PTPRE: variants seen among roughly 807,000 people sequenced by gnomAD.
The protein encoded by PTPRE is receptor-type tyrosine-protein phosphatase epsilon.
A neutral mutation model predicts 102.0 loss-of-function variants in PTPRE; 51 were observed. The ratio of observed to expected loss-of-function variants is 0.50; its 90% CI spans 0.40 to 0.63. PTPRE has a LOEUF of 0.63. PTPRE is among the 30% of genes least tolerant of loss of function. PTPRE has a pLI of 0.00. For missense variants in PTPRE, 752 were observed against 915.1 expected (o/e 0.82, Z 2.30); for synonymous variants, 345 against 348.2 (o/e 0.99, Z 0.10).
At chr10:128,044,758 G>A (rs573255086) in intron 3 of PTPRE, among the ~76,000 whole-genome samples, 1 of 152,264 alleles carries the variant, frequency 6.6e-6, no homozygotes, top group Admixed American at 6.5e-5. Context: ...ACTGTGACAG[G>A]AATTTCTTCT....
rs1407599116 is a variant in PTPRE, at chr10:128,020,420, TA to T, written c.-7-20454del. ...AATCAGTTTTTCACTGAATGGCTGT[TA>T]TTTGGTTTCCAATAACAGAAACCTG... is the stretch of plus-strand genomic sequence containing the variant. On this transcript the variant is annotated intron_variant, in intron 2 of 20. Coordinates refer to ENST00000254667, the MANE Select transcript of PTPRE (RefSeq NM_006504.6). Among the ~76,000 whole-genome samples the T allele has an allele frequency of 3.9e-5, 6 of 152,352 alleles. No individual in the cohort carries two copies. In the East Asian group the frequency reaches 1.2e-3, roughly 29 times the overall value.
rs73376163 is a variant in PTPRE, at chr10:127,958,294, A to G, written c.-30-23980A>G. On this transcript the variant is annotated intron_variant, in intron 1 of 20. Transcript: ENST00000254667. ...TCCTGATCTTAGTGGGAAAATGTCT[A>G]GTTTCTTACCATTAACGTATGACAT... 3.4e-3 allele frequency among the ~76,000 whole-genome samples: 524 copies of G among 152,310 alleles called. 2 individuals are homozygous for G. Among genetic ancestry groups the G allele is most frequent in the African/African-American group, 0.012 (509 of 41,568 alleles).
At chr10:128,041,448 G>T (rs1008220544) in intron 3 of PTPRE, among the ~76,000 whole-genome samples, 1 of 152,076 alleles carries the variant, frequency 6.6e-6, no homozygotes, top group South Asian at 2.1e-4. Flanking sequence ...AAGAGATTGA[G>T]ACCATCTTGG....
intron 18 of PTPRE, 151 bp from the exon 19 acceptor site, chr10:128,077,466 C>A: frequency 9.6e-7 from 1 of 1,038,116 alleles, no homozygotes; most frequent in Non-Finnish European, 1.4e-6. Context: ...AGGTTTCAGC[C>A]TTCTCCTTCA....
chr10:127,990,341 G>A (rs1340569454), intron 2 of PTPRE, among the ~76,000 whole-genome samples: 1 of 150,328 alleles, frequency 6.7e-6, no homozygotes, highest in Non-Finnish European at 1.5e-5. Flanking sequence ...GAACCCAGGA[G>A]GCGGAGGTTG....
intron 9 of PTPRE, among the ~76,000 whole-genome samples, chr10:128,062,160 C>T (rs1442753065): frequency 3.3e-5 from 5 of 152,174 alleles, no homozygotes; most frequent in African/African-American, 1.2e-4. Context: ...AGCATCACTC[C>T]GTTCCACCAG....
chr10:128,079,650 T>C lies in PTPRE; in HGVS notation c.1983T>C (p.Ala661=). 1 of 1,614,052 alleles carries C rather than the reference T, an allele frequency of 6.2e-7. No individual in the cohort carries two copies. Among genetic ancestry groups the C allele is most frequent in the South Asian group, 1.1e-5 (1 of 91,086 alleles). ...KAEGLLDVFQ[A]VKSLRLQRPH... ...AGGGACTTTTAGATGTATTTCAAGC[T>C]GTGAAGAGTTTACGACTTCAGAGAC... Residue 661 remains alanine, a synonymous_variant, in exon 20 of 21, where the codon GCT becomes GCC. Coordinates refer to ENST00000254667, the MANE Select transcript of PTPRE (RefSeq NM_006504.6).
rs1357213188 is a variant in PTPRE at position 128,077,691 on chromosome 10, T to G, written c.1800T>G (p.Ile600Met). Reference protein sequence around the residue: ...FHFHGWPEIGIPAEGKGMIDL... With the variant: ...FHFHGWPEIGMPAEGKGMIDL... ...TCCACGGCTGGCCTGAGATCGGGAT[T>G]CCCGCCGAGGGCAAAGGCATGATTG... Residue 600 changes from isoleucine to methionine, a missense_variant, in exon 19 of 21, where the codon ATT becomes ATG. Around this residue, in one of 2 missense-constraint regions of PTPRE, gnomAD observed 636 missense variants for 824.4 expected, o/e 0.77. Transcript: ENST00000254667. The G allele has an allele frequency of 1.2e-6, 2 of 1,613,804 alleles. No individual in the cohort carries two copies. Among genetic ancestry groups the G allele is most frequent in the Non-Finnish European group, 1.7e-6 (2 of 1,179,806 alleles).
chr10:127,947,636 C>T (rs992800386), intron 1 of PTPRE, among the ~76,000 whole-genome samples: 2 of 152,192 alleles, frequency 1.3e-5, no homozygotes, highest in Admixed American at 6.5e-5. Context: ...GCTATTCTCC[C>T]ATATGTTAAA....
intron 1 of PTPRE, among the ~76,000 whole-genome samples, chr10:127,942,996 C>G (rs1424489171): frequency 6.6e-6 from 1 of 152,164 alleles, no homozygotes. Flanking sequence ...TCACGTGGGC[C>G]AGGAAACCGG....
At chr10:127,921,604 C>T (rs1846611444) in intron 1 of PTPRE, among the ~76,000 whole-genome samples, 1 of 152,110 alleles carries the variant, frequency 6.6e-6, no homozygotes, top group Non-Finnish European at 1.5e-5. Flanking sequence ...GCTGGGGGCA[C>T]AGAGCTGGGG....
intron 2 of PTPRE, among the ~76,000 whole-genome samples, chr10:128,011,981 ATG>A (rs1320208318): frequency 1.3e-5 from 2 of 152,244 alleles, no homozygotes; most frequent in Non-Finnish European, 2.9e-5. Flanking sequence ...GACAGATGAC[ATG>A]CCCAGGGTGA....
chr10:127,931,086 C>G (rs995241545), intron 1 of PTPRE, among the ~76,000 whole-genome samples: 1 of 152,086 alleles, frequency 6.6e-6, no homozygotes, highest in Admixed American at 6.5e-5. Flanking sequence ...CCACCGTGCC[C>G]GGCCCGCCAG....
intron 1 of PTPRE, among the ~76,000 whole-genome samples, chr10:127,960,918 G>A (rs1189418297): frequency 6.6e-6 from 1 of 151,866 alleles, no homozygotes; most frequent in African/African-American, 2.4e-5. Context: ...CTACTCAGGA[G>A]GCTGAGGCAG....
intron 3 of PTPRE, among the ~76,000 whole-genome samples, chr10:128,047,090 A>G (rs1331147139): frequency 6.6e-6 from 1 of 152,196 alleles, no homozygotes; most frequent in African/African-American, 2.4e-5. Context: ...GCTTCTTAGC[A>G]GGAGAGCCAG....
chr10:127,945,984 T>C (rs76725278), intron 1 of PTPRE, among the ~76,000 whole-genome samples: 9,700 of 152,178 alleles, frequency 0.064, 411 homozygotes, highest in Middle Eastern at 0.11. Context: ...CAGAGCTCTC[T>C]GTGGGTCTCT....
chr10:128,011,424 G>A (rs1476218974), intron 2 of PTPRE, among the ~76,000 whole-genome samples: 1 of 152,248 alleles, frequency 6.6e-6, no homozygotes, highest in Non-Finnish European at 1.5e-5. Context: ...GGACCCCGGA[G>A]GAGGCGCGGG....
chr10:128,025,631 C>T (rs1252056745), intron 2 of PTPRE, among the ~76,000 whole-genome samples: 1 of 152,148 alleles, frequency 6.6e-6, no homozygotes, highest in Non-Finnish European at 1.5e-5. Context: ...TGGAGGGAGC[C>T]CAGTGCCATT....
rs1004179515 is a variant in PTPRE, at chr10:128,070,156, C to G, written c.1144-145C>G. On this transcript the variant is annotated intron_variant, in intron 13 of 20. Coordinates refer to ENST00000254667, the MANE Select transcript of PTPRE (RefSeq NM_006504.6). This position sits in a 1 kb window ranked among gnomAD's most constrained non-coding sequence, Gnocchi z 4.8. The stretch of plus-strand genomic sequence containing the variant: ...GGCATAAATGGTCGTTATCCGTGGC[C>G]GGTACTCTGACTCTTGCCTCACACC... 50 of 964,448 alleles carry G rather than the reference C, an allele frequency of 5.2e-5. No individual in the cohort carries two copies. The highest frequency in any genetic ancestry group is 7.5e-5 in the Non-Finnish European group (49 of 657,226). The allele number at this position is 964,448 out of a possible 1,614,324, so 59.7% of individuals were successfully genotyped here. A position where few individuals can be genotyped will look rare whatever the true frequency, so the allele number is the denominator to read the frequency against.
Sources: allele counts gnomAD v4.1 joint callset (sites outside exome capture counted in the v4.1 genomes callset), GRCh38; gene constraint gnomAD v4.1.1; regional missense constraint gnomAD v4.1.1; non-coding constraint Gnocchi (gnomAD v3.1); transcripts MANE v1.5; gene names NCBI Gene and HGNC (gene_info 2026-07-23, HGNC 2026-07-21).